The following NLRP13 variants were observed in gnomAD, a reference collection of about 807,000 sequenced individuals.
The protein encoded by NLRP13 is NLR family pyrin domain containing 13.
A neutral mutation model predicts 94.4 loss-of-function variants in NLRP13; 82 were observed. The observed-to-expected ratio is 0.87, with a 90% CI of 0.73 to 1.04. NLRP13 has a LOEUF of 1.04. NLRP13 is among the 50% of genes least tolerant of loss of function. NLRP13 has a pLI of 0.00. For synonymous variants in NLRP13, 553 were observed against 464.7 expected, an observed-to-expected ratio of 1.19 and a Z score of -2.45; for missense variants, 1,426 against 1,230.8, an observed-to-expected ratio of 1.16 and a Z score of -2.37.
chr19:55,930,412 A>G (rs535660912), intron 1 of NLRP13, among the ~76,000 whole-genome samples: 13 of 152,188 alleles, frequency 8.5e-5, no homozygotes, highest in Non-Finnish European at 1.8e-4. Context: ...ATAGCCAGGC[A>G]TGGTGGCTCA....
chr19:55,926,225 T>C (rs574159540), intron 1 of NLRP13, among the ~76,000 whole-genome samples: 9 of 152,360 alleles, frequency 5.9e-5, no homozygotes, highest in South Asian at 2.1e-4. Context: ...TGGATCTTCA[T>C]AGATTAAATT....
downstream of NLRP13, among the ~76,000 whole-genome samples, chr19:55,895,324 T>G (rs113451515): frequency 1.3e-5 from 2 of 151,722 alleles, no homozygotes; most frequent in Admixed American, 1.3e-4. Context: ...GAGGTTGTAG[T>G]GAACTGAGAT....
chr19:55,924,683 T>A, intron 2 of NLRP13, 25 bp from the exon 3 acceptor site: 1 of 1,597,408 alleles, frequency 6.3e-7, no homozygotes, highest in Non-Finnish European at 8.6e-7. Context: ...GACGATGAGA[T>A]ATGAAAATAC....
chr19:55,898,677 C>T, intron 10 of NLRP13, 93 bp downstream of exon 10: 2 of 1,313,028 alleles, frequency 1.5e-6, no homozygotes, highest in Non-Finnish European at 2.1e-6. Flanking sequence ...CTTACTTTGC[C>T]TCACTTTCTA....
Position 55,923,870 on chromosome 19 carries a change from C to T in NLRP13, c.523+44G>A, listed in dbSNP as rs534533001. The T allele has an allele frequency of 3.4e-5, 49 of 1,452,544 alleles. No homozygotes were observed. The Admixed American group carries it at 3.5e-4, about 10-fold the overall frequency. 90.0% of individuals were successfully genotyped at this position (1,452,544 alleles called of 1,614,324 possible). On this transcript the variant is annotated intron_variant, in intron 4 of 10. Transcript: ENST00000342929. ...CTATGGACCTAGTGAAACCAATGCT[C>T]GTCAAGCAACCTGTCCATTATCAAC...
In NLRP13 at chr19:55,924,605, G is replaced by T. The variant is rs149791901; in HGVS notation, c.442C>A (p.Leu148Ile). 19 of 1,612,712 alleles carry T rather than the reference G, an allele frequency of 1.2e-5. No individual in the cohort carries two copies. The highest frequency in any genetic ancestry group is 1.4e-5 in the Non-Finnish European group (16 of 1,179,166). ...QDPNQEELDE[L>I]EEETGNVQAQ... ...ATGTACACACCTGTTTCTTCTTCTA[G>T]CTCGTCTAGTTCTTCTTGGTTTGGA... Residue 148 changes from leucine to isoleucine, a missense_variant, in exon 3 of 11, where the codon CTA becomes ATA. By Grantham distance (5) the Leu-to-Ile change is conservative (BLOSUM62 2). Transcript: ENST00000342929.
chr19:55,907,755 A>G (rs1463636156), intron 7 of NLRP13, 37 bp downstream of exon 7: 1 of 1,607,416 alleles, frequency 6.2e-7, no homozygotes, highest in African/African-American at 1.3e-5. Context: ...GTGGTCTTGC[A>G]ACCCCCCTTG....
chr19:55,896,101 C>T lies in NLRP13; in HGVS notation c.2976G>A (p.Leu992=). The T allele has an allele frequency of 6.2e-7, 1 of 1,614,038 alleles. No individual in the cohort carries two copies. Among genetic ancestry groups the T allele is most frequent in the East Asian group, 2.2e-5 (1 of 44,882 alleles). ...AGAGATGCTGGCAGCAAGCAGTTGT[C>T]AGATTGCATTTCGCCAACCTAGGGG... ...LHTLGLAKCN[L]TTACCQHLFS... The change falls in exon 11 of 11, where the codon CTG becomes CTA. Residue 992 remains leucine, a synonymous_variant. Coordinates refer to ENST00000342929, the MANE Select transcript of NLRP13 (RefSeq NM_176810.2).
At chr19:55,902,250 C>T in intron 8 of NLRP13, 45 bp from the exon 9 acceptor site, 1 of 1,580,742 alleles carries the variant, frequency 6.3e-7, no homozygotes, top group East Asian at 2.3e-5. Context: ...GGAAGCAGCC[C>T]AGACCCAGGC....
At chr19:55,910,397 G>T (rs1352491714) in intron 6 of NLRP13, among the ~76,000 whole-genome samples, 166 bp downstream of exon 6, 1 of 152,138 alleles carries the variant, frequency 6.6e-6, no homozygotes, top group Non-Finnish European at 1.5e-5. Flanking sequence ...TAAAATTTCA[G>T]CCTACTTTGC....
chr19:55,895,392 G>GAA (rs760027258), downstream of NLRP13, among the ~76,000 whole-genome samples: 70 of 149,964 alleles, frequency 4.7e-4, no homozygotes, highest in Middle Eastern at 3.5e-3. Context: ...AAAAAGAAAA[G>GAA]AAAAAACAGT....
chr19:55,896,081 T>G lies in NLRP13; in HGVS notation c.2996A>C (p.His999Pro). The G allele has an allele frequency of 6.2e-7, 1 of 1,614,098 alleles. No homozygotes were observed. Residue 999 changes from histidine (H) to proline (P), a missense_variant, in exon 11 of 11, where the codon CAT becomes CCT. By Grantham distance (77) the His-to-Pro change is moderately conservative (BLOSUM62 -2). Transcript: ENST00000342929. ...KCNLTTACCQHLFSVLSSSKS... is the reference protein window; with the variant it reads ...KCNLTTACCQPLFSVLSSSKS... ...ACTGCTGCTGAGAACAGAGAAGAGA[T>G]GCTGGCAGCAAGCAGTTGTCAGATT... is the stretch of plus-strand genomic sequence containing the variant.
At chr19:55,895,914 A>G, downstream of NLRP13, 3 of 1,606,416 alleles carry the variant, frequency 1.9e-6, no homozygotes, top group East Asian at 2.2e-5. Flanking sequence ...TTGTCCCTGT[A>G]TGTTCTCCCC....
rs1986317276 is a variant in NLRP13, at chr19:55,905,470, TATACATATATATATAC to T, written c.2448-374_2448-359del. Reference sequence around the variant, plus strand: ...ATATATATACATATATACACACATATATACATATATATATACACACATATATACATATATATCTGGG... The same window carrying T: ...ATATATATACATATATACACACATATACACATATATACATATATATCTGGG... On this transcript the variant is annotated intron_variant, in intron 7 of 10. Transcript: ENST00000342929. Among the ~76,000 whole-genome samples the T allele has an allele frequency of 3.4e-5, 4 of 119,082 alleles. No homozygotes were observed. In the South Asian group the frequency reaches 1.1e-3, roughly 33 times the overall value. The allele number at this position is 119,082 out of a possible 152,430, so 78.1% of individuals were successfully genotyped here. A position where few individuals can be genotyped will look rare whatever the true frequency, so the allele number is the denominator to read the frequency against.
At chr19:55,926,301 CA>C (rs1271480570) in intron 1 of NLRP13, among the ~76,000 whole-genome samples, 1 of 152,160 alleles carries the variant, frequency 6.6e-6, no homozygotes, top group East Asian at 1.9e-4. Flanking sequence ...AACAGCCTAG[CA>C]GGACTAGTAC....
At position 55,911,406 on chromosome 19, in the gene NLRP13, C is replaced by T. The variant is rs202234066; in HGVS notation, c.2111+300G>A. 2.8e-4 allele frequency among the ~76,000 whole-genome samples: 43 copies of T among 152,260 alleles called. No homozygotes were observed. The East Asian group carries it at 7.9e-3, about 28-fold the overall frequency. On this transcript the variant is annotated intron_variant, in intron 5 of 10. Coordinates refer to ENST00000342929, the MANE Select transcript of NLRP13 (RefSeq NM_176810.2). ...CCACCACACCCAGCTAATAACCACTCAGTCATGGACATTCAGTTAGATACA... is the reference window on the plus strand; with the variant it reads ...CCACCACACCCAGCTAATAACCACTTAGTCATGGACATTCAGTTAGATACA...
intron 4 of NLRP13, among the ~76,000 whole-genome samples, chr19:55,923,172 T>TTA (rs1178782709): frequency 6.6e-6 from 1 of 152,222 alleles, no homozygotes; most frequent in Non-Finnish European, 1.5e-5. Flanking sequence ...TCAATATCAG[T>TTA]TATTTAACAA....
At chr19:55,894,425 G>T (rs1315613447), downstream of NLRP13, among the ~76,000 whole-genome samples, 1 of 152,146 alleles carries the variant, frequency 6.6e-6, no homozygotes, top group Non-Finnish European at 1.5e-5. Context: ...GTGCCTCAAA[G>T]GGGCAACATA....
chr19:55,895,860 A>C (rs1421617995), downstream of NLRP13: 1 of 1,459,440 alleles, frequency 6.9e-7, no homozygotes, highest in Non-Finnish European at 9.3e-7. Flanking sequence ...AGCCGAGTGC[A>C]ATGGAAACCT....
Sources: allele counts gnomAD v4.1 joint callset (sites outside exome capture counted in the v4.1 genomes callset), GRCh38; gene constraint gnomAD v4.1.1; transcripts MANE v1.5; gene names NCBI Gene and HGNC (gene_info 2026-07-23, HGNC 2026-07-21).